PIK3CA: variants seen among roughly 807,000 people sequenced by gnomAD.
The protein encoded by PIK3CA is phosphatidylinositol-4,5-bisphosphate 3-kinase catalytic subunit alpha, also known as phosphatidylinositol 4,5-bisphosphate 3-kinase catalytic subunit alpha isoform.
In PIK3CA, 27 loss-of-function variants were observed where a neutral mutation model predicts 138.2. The ratio of observed to expected loss-of-function variants is 0.20; its 90% CI spans 0.14 to 0.27. PIK3CA has a LOEUF of 0.27. Ranked by LOEUF, PIK3CA falls within the 10% of genes least tolerant of loss-of-function variation. The pLI is 1.00. For synonymous variants in PIK3CA, 358 were observed against 413.2 expected, an observed-to-expected ratio of 0.87 and a Z score of 1.62; for missense variants, 544 against 1,277.4, an observed-to-expected ratio of 0.43 and a Z score of 8.75.
rs763409240 is a variant in PIK3CA, at chr3:179,210,354, T to C, written c.1404+16T>C. 2 of 1,583,918 alleles carry C rather than the reference T, an allele frequency of 1.3e-6. No individual in the cohort carries two copies. Among genetic ancestry groups the C allele is most frequent in the Admixed American group, 2.0e-5 (1 of 50,454 alleles). On this transcript the variant is annotated intron_variant, in intron 8 of 20. Transcript: ENST00000263967. ...TCCAAATAAAGTAAGGTTTTTATTG[T>C]CATAAATTAGATATTTTTTATGGCA...
Position 179,199,910 on chromosome 3 carries a change from G to A in PIK3CA, c.562+11G>A, listed in dbSNP as rs2108388007. 8 of 1,468,970 alleles carry A rather than the reference G, an allele frequency of 5.4e-6. No homozygotes were observed. Among genetic ancestry groups the A allele is most frequent in the Non-Finnish European group, 7.6e-6 (8 of 1,049,738 alleles). The allele number at this position is 1,468,970 out of a possible 1,614,324, so 91.0% of individuals were successfully genotyped here. A position where few individuals can be genotyped will look rare whatever the true frequency, so the allele number is the denominator to read the frequency against. On this transcript the variant is annotated intron_variant, in intron 3 of 20. Transcript: ENST00000263967. ...ATAAATTAGATAAAGGTAAGAAAAT[G>A]ACTAATCTACTCTAATCATTACTAT...
chr3:179,151,784 CTTT>C (rs368594225), intron 1 of PIK3CA, among the ~76,000 whole-genome samples: 11 of 152,326 alleles, frequency 7.2e-5, no homozygotes, highest in African/African-American at 2.4e-4. Flanking sequence ...CTCCATTCTT[CTTT>C]AACTGGTTGA....
rs373901635 is a variant in PIK3CA at position 179,201,609 on chromosome 3, A to ATTTTTTT, written c.813+79_813+85dup. 0.033 allele frequency: 24,750 copies of ATTTTTTT among 756,226 alleles called. 427 individuals carry two copies. The highest frequency in any genetic ancestry group is 0.073 in the African/African-American group (3,439 of 47,042). The allele number at this position is 756,226 out of a possible 1,614,324, so 46.8% of individuals were successfully genotyped here. A position where few individuals can be genotyped will look rare whatever the true frequency, so the allele number is the denominator to read the frequency against. On this transcript the variant is annotated intron_variant, in intron 4 of 20. Transcript: ENST00000263967. ...AATCACATTGAGGATGAGTATCTGT[A>ATTTTTTT]TTTTTTTTTTTTTTTTGAGACGGAA... is the stretch of plus-strand genomic sequence containing the variant.
chr3:179,166,498 GGGTATGAACA>G (rs75293344), intron 1 of PIK3CA, among the ~76,000 whole-genome samples: 13,562 of 152,134 alleles, frequency 0.089, 890 homozygotes, highest in African/African-American at 0.17. Context: ...TATTCCTCTA[GGGTATGAACA>G]GATTGCTGGA....
chr3:179,230,131 TTC>T lies in PIK3CA; in HGVS notation c.2784+14_2784+15del. 6.3e-7 allele frequency: 1 copy of T among 1,596,090 alleles called. No homozygotes were observed. Among genetic ancestry groups the T allele is most frequent in the Middle Eastern group, 1.7e-4 (1 of 6,022 alleles). On this transcript the variant is annotated intron_variant, in intron 19 of 20. Transcript: ENST00000263967. This position sits in a 1 kb window ranked among gnomAD's most constrained non-coding sequence, Gnocchi z 5.4. ...GAAAGACGATGGACAAGTAATGGTTTTCTCTGTTTAAAATGTTTTGGTGTTCT... is the reference window on the plus strand; with the variant it reads ...GAAAGACGATGGACAAGTAATGGTTTTCTGTTTAAAATGTTTTGGTGTTCT...
chr3:179,230,145 T>G lies in PIK3CA; in HGVS notation c.2784+24T>G. On this transcript the variant is annotated intron_variant, in intron 19 of 20. Coordinates refer to ENST00000263967, the MANE Select transcript of PIK3CA (RefSeq NM_006218.4). This position sits in a 1 kb window ranked among gnomAD's most constrained non-coding sequence, Gnocchi z 5.4. ...AAGTAATGGTTTTCTCTGTTTAAAA[T>G]GTTTTGGTGTTCTTAATTTATTCAA... 6.3e-7 allele frequency: 1 copy of G among 1,578,420 alleles called. No homozygotes were observed.
At chr3:179,167,594 TTTC>T (rs1446195524) in intron 1 of PIK3CA, among the ~76,000 whole-genome samples, 1 of 152,178 alleles carries the variant, frequency 6.6e-6, no homozygotes, top group African/African-American at 2.4e-5. Flanking sequence ...TTAAATCCTC[TTTC>T]TTTTTAACTA....
At position 179,226,113 on chromosome 3, in the gene PIK3CA, C is replaced by G. The variant is rs1356413; in HGVS notation, c.2495+73C>G. On this transcript the variant is annotated intron_variant, in intron 17 of 20. Coordinates refer to ENST00000263967, the MANE Select transcript of PIK3CA (RefSeq NM_006218.4). ...AGTGAACTATTAATAATTATAGAAG[C>G]ATATAGAGGCATATGTCTAAAAAGA... 38,363 of 760,876 alleles carry G rather than the reference C, an allele frequency of 0.05. 1,128 individuals are homozygous for G. Among genetic ancestry groups the G allele is most frequent in the Middle Eastern group, 0.15 (657 of 4,244 alleles). The allele number at this position is 760,876 out of a possible 1,614,324, so 47.1% of individuals were successfully genotyped here.
At chr3:179,206,867 C>G (rs1374647786) in intron 6 of PIK3CA, among the ~76,000 whole-genome samples, 1 of 148,114 alleles carries the variant, frequency 6.8e-6, no homozygotes, top group Non-Finnish European at 1.5e-5. Context: ...TGCAGTGAGC[C>G]ATGATCGTAC....
chr3:179,201,605 CTG>C (rs1724411064), intron 4 of PIK3CA, 65 bp downstream of exon 4: 2 of 842,036 alleles, frequency 2.4e-6, no homozygotes, highest in East Asian at 2.9e-5. Context: ...GGATGAGTAT[CTG>C]TATTTTTTTT....
chr3:179,207,454 T>C (rs1285313861), intron 6 of PIK3CA, among the ~76,000 whole-genome samples: 2 of 152,164 alleles, frequency 1.3e-5, no homozygotes, highest in Non-Finnish European at 2.9e-5. Context: ...TCTTAGAGTA[T>C]AGAACACTTC....
chr3:179,220,171 A>C lies in PIK3CA; in HGVS notation c.2015+119A>C, dbSNP rs571721530. The C allele has an allele frequency of 1.1e-6, 1 of 939,600 alleles. No individual in the cohort carries two copies. The highest frequency in any genetic ancestry group is 1.7e-5 in the African/African-American group (1 of 57,980). The allele number at this position is 939,600 out of a possible 1,614,324, so 58.2% of individuals were successfully genotyped here. A position where few individuals can be genotyped will look rare whatever the true frequency, so the allele number is the denominator to read the frequency against. On this transcript the variant is annotated intron_variant, in intron 13 of 20. Transcript: ENST00000263967. This position sits in a 1 kb window ranked among gnomAD's most constrained non-coding sequence, Gnocchi z 4.1. ...TTATGTTTGGCTGGAAGAGTTTTCC[A>C]TACTAAAAGTATTTTGTACCAGTGA...
At chr3:179,189,669 C>T (rs1361375076) in intron 1 of PIK3CA, among the ~76,000 whole-genome samples, 3 of 152,046 alleles carry the variant, frequency 2.0e-5, no homozygotes, top group Admixed American at 2.0e-4. Context: ...TTATATAATG[C>T]ATTAAATCTC....
chr3:179,202,838 A>G (rs1724449930), intron 4 of PIK3CA, among the ~76,000 whole-genome samples: 1 of 152,184 alleles, frequency 6.6e-6, no homozygotes, highest in African/African-American at 2.4e-5. Context: ...TGGATGGGAC[A>G]TCAGTATGAC....
At chr3:179,197,832 T>C (rs1724307267) in intron 1 of PIK3CA, among the ~76,000 whole-genome samples, 1 of 152,222 alleles carries the variant, frequency 6.6e-6, no homozygotes, top group Admixed American at 6.5e-5. Flanking sequence ...TTGTGTTTTA[T>C]GGATTTTGAT....
At chr3:179,194,400 T>G (rs113348040) in intron 1 of PIK3CA, among the ~76,000 whole-genome samples, 37 of 152,074 alleles carry the variant, frequency 2.4e-4, no homozygotes, top group Admixed American at 6.6e-5. Flanking sequence ...ATTTGTTTGT[T>G]TTTTTGTAGA....
rs936700118 is a variant in PIK3CA at position 179,237,150 on chromosome 3, T to G, written c.*2786T>G. The G allele has an allele frequency of 5.1e-6, 1 of 195,942 alleles. No individual in the cohort carries two copies. The highest frequency in any genetic ancestry group is 1.1e-5 in the Non-Finnish European group (1 of 94,304). 12.1% of individuals were successfully genotyped at this position (195,942 alleles called of 1,614,324 possible). A position where few individuals can be genotyped will look rare whatever the true frequency, so the allele number is the denominator to read the frequency against. On this transcript the variant is annotated 3_prime_UTR_variant, in exon 21 of 21. Coordinates refer to ENST00000263967, the MANE Select transcript of PIK3CA (RefSeq NM_006218.4). ...TCTCAGCTATACAAAACCATTTATT[T>G]TGAAGATTTTTAGACTACTGTTAAT... is the stretch of plus-strand genomic sequence containing the variant.
intron 1 of PIK3CA, among the ~76,000 whole-genome samples, chr3:179,197,915 T>G (rs2108384156): frequency 1.3e-5 from 2 of 152,318 alleles, no homozygotes; most frequent in East Asian, 3.9e-4. Context: ...ATAATAATAC[T>G]TAATAGTTCT....
chr3:179,183,523 TG>T (rs1723901948), intron 1 of PIK3CA, among the ~76,000 whole-genome samples: 1 of 152,246 alleles, frequency 6.6e-6, no homozygotes, highest in Non-Finnish European at 1.5e-5. Context: ...CCAATAAATT[TG>T]GCATTTGAAA....
Sources: gnomAD v4.1 joint callset for allele counts (sites outside exome capture counted in the v4.1 genomes callset) on GRCh38, gnomAD v4.1.1 for gene constraint, Gnocchi (gnomAD v3.1) non-coding constraint, MANE v1.5 for transcripts, NCBI Gene and HGNC (gene_info 2026-07-23, HGNC 2026-07-21) for gene names.